SPATA13: variants seen among roughly 807,000 people sequenced by gnomAD.
SPATA13 encodes spermatogenesis associated 13, also known as spermatogenesis-associated protein 13.
A neutral mutation model predicts 104.0 loss-of-function variants in SPATA13; 50 were observed. That is an observed-to-expected ratio of 0.48 (90% CI 0.38 to 0.61). SPATA13 has a LOEUF of 0.61. Among genes scored for constraint, SPATA13 ranks in the 20% least tolerant of loss-of-function variants. The pLI is 0.00. For synonymous variants in SPATA13, 606 were observed against 667.5 expected, an observed-to-expected ratio of 0.91 and a Z score of 1.42; for missense variants, 1,524 against 1,690.6, an observed-to-expected ratio of 0.90 and a Z score of 1.73.
At position 24,286,614 on chromosome 13, in the gene SPATA13, C is replaced by T. The variant is rs1450548604; in HGVS notation, c.2482-151C>T. Reference sequence around the variant, plus strand: ...TGGTCCTCGTGCCTGCTGGCATAGCCGCAGCCCTGCTGAGGCCATGAGACT... The same window carrying T: ...TGGTCCTCGTGCCTGCTGGCATAGCTGCAGCCCTGCTGAGGCCATGAGACT... On this transcript the variant is annotated intron_variant, in intron 6 of 12. Coordinates refer to ENST00000382108, the MANE Select transcript of SPATA13 (RefSeq NM_001166271.3). This position sits in a 1 kb window ranked among gnomAD's most constrained non-coding sequence, Gnocchi z 4.9. The T allele has an allele frequency of 7.2e-6, 6 of 832,518 alleles. No individual in the cohort carries two copies. The highest frequency in any genetic ancestry group is 2.9e-5 in the Admixed American group (1 of 34,510). 51.6% of individuals were successfully genotyped at this position (832,518 alleles called of 1,614,324 possible). A position where few individuals can be genotyped will look rare whatever the true frequency, so the allele number is the denominator to read the frequency against.
At chr13:24,172,480 G>A (rs550845212) in intron 1 of SPATA13, among the ~76,000 whole-genome samples, 91 of 152,232 alleles carry the variant, frequency 6.0e-4, no homozygotes, top group African/African-American at 1.8e-3. Context: ...TAAAACGTTC[G>A]TGGTTTTTCA....
chr13:24,269,423 G>A (rs1874453306), intron 4 of SPATA13, among the ~76,000 whole-genome samples: 1 of 152,104 alleles, frequency 6.6e-6, no homozygotes, highest in Non-Finnish European at 1.5e-5. Flanking sequence ...TTAGAGACAG[G>A]ATCTAGCTCT....
At chr13:24,063,503 C>G (rs573926884) in intron 3 of SPATA13, among the ~76,000 whole-genome samples, 24 of 152,204 alleles carry the variant, frequency 1.6e-4, no homozygotes, top group African/African-American at 5.8e-4. Context: ...GGCCTTTCCT[C>G]CCAAACATGC....
rs574669812 is a variant in SPATA13 at position 24,230,888 on chromosome 13, G to T, written c.1653+6306G>T. 5.9e-5 allele frequency among the ~76,000 whole-genome samples: 9 copies of T among 152,298 alleles called. No homozygotes were observed. In the South Asian group the frequency reaches 1.9e-3, roughly 32 times the overall value. On this transcript the variant is annotated intron_variant, in intron 2 of 12. Coordinates refer to ENST00000382108, the MANE Select transcript of SPATA13 (RefSeq NM_001166271.3). ...TGGTGGAAAGTCAGTGACATTGTCA[G>T]GGCAGGGACTCAGAGGGACATTCCG...
intron 4 of SPATA13, among the ~76,000 whole-genome samples, chr13:24,262,275 AT>A (rs576916058): frequency 2.9e-4 from 42 of 145,868 alleles, no homozygotes; most frequent in African/African-American, 9.5e-4. Context: ...AATTCTTTGT[AT>A]TTTTTTTGTT....
intron 2 of SPATA13, among the ~76,000 whole-genome samples, chr13:23,993,492 A>G (rs1875513231): frequency 6.6e-6 from 1 of 152,212 alleles, no homozygotes; most frequent in African/African-American, 2.4e-5. Flanking sequence ...GAAAGCATGC[A>G]CCTCTCAGAA....
chr13:24,161,548 T>TG lies in SPATA13; in HGVS notation c.-112+621dup, dbSNP rs754899863. Reference sequence around the variant, plus strand: ...GTTTGGTCCCATTCTGTGCAGGAGGTGGGGGAATTGGTACTCCAGCCCCAG... The same window carrying TG: ...GTTTGGTCCCATTCTGTGCAGGAGGTGGGGGGAATTGGTACTCCAGCCCCAG... On this transcript the variant is annotated intron_variant, in intron 1 of 12. Transcript: ENST00000382108. This position sits in a 1 kb window ranked among gnomAD's most constrained non-coding sequence, Gnocchi z 4.5. 2.0e-5 allele frequency among the ~76,000 whole-genome samples: 3 copies of TG among 151,920 alleles called. No homozygotes were observed. Among genetic ancestry groups the TG allele is most frequent in the Non-Finnish European group, 4.4e-5 (3 of 67,970 alleles).
intron 3 of SPATA13, among the ~76,000 whole-genome samples, chr13:24,062,273 G>A (rs1017638689): frequency 6.6e-6 from 1 of 152,226 alleles, no homozygotes. Flanking sequence ...TCAAAGTGCT[G>A]TTGGCGGAGC....
rs766285133 is a variant in SPATA13 at position 24,286,241 on chromosome 13, G to T, written c.2329G>T (p.Ala777Ser). 9 of 1,613,720 alleles carry T rather than the reference G, an allele frequency of 5.6e-6. No individual in the cohort carries two copies. In the South Asian group the frequency reaches 9.9e-5, roughly 18 times the overall value. Reference sequence around the variant, plus strand: ...GATCAGTGATGGCAACGTGGTCTGCGCAGAAGCCCTGTGGGACCATGTGAC... The same window carrying T: ...GATCAGTGATGGCAACGTGGTCTGCTCAGAAGCCCTGTGGGACCATGTGAC... Reference protein sequence around the residue: ...ELISDGNVVCAEALWDHVTMD... With the variant: ...ELISDGNVVCSEALWDHVTMD... The change falls in exon 6 of 13, where the codon GCA becomes TCA. Residue 777 changes from alanine (A) to serine (S), a missense_variant. Coordinates refer to ENST00000382108, the MANE Select transcript of SPATA13 (RefSeq NM_001166271.3). The surrounding 1 kb of genome is among the most constrained non-coding windows in gnomAD (Gnocchi z 4.9).
chr13:24,252,932 A>G (rs1185262875), intron 4 of SPATA13: 1 of 152,210 alleles, frequency 6.6e-6, no homozygotes, highest in East Asian at 1.9e-4. Context: ...TCCAGTGAGC[A>G]CTTTATCTGG....
intron 1 of SPATA13, among the ~76,000 whole-genome samples, chr13:24,206,442 GA>G (rs1870700025): frequency 1.3e-5 from 2 of 152,300 alleles, no homozygotes; most frequent in South Asian, 4.1e-4. Flanking sequence ...AAAGGAAAAG[GA>G]ATGCTTTTAC....
intron 3 of SPATA13, among the ~76,000 whole-genome samples, chr13:24,096,473 C>T (rs1325700674): frequency 6.6e-6 from 1 of 151,954 alleles, no homozygotes; most frequent in Non-Finnish European, 1.5e-5. Context: ...GTGGCAGGCA[C>T]CTGTAATCCA....
At chr13:24,196,670 A>T (rs957509478) in intron 1 of SPATA13, among the ~76,000 whole-genome samples, 5 of 152,208 alleles carry the variant, frequency 3.3e-5, no homozygotes, top group African/African-American at 1.2e-4. Flanking sequence ...CAAAAGGTTG[A>T]GGCTGCAGTG....
At chr13:24,267,505 C>T (rs1874352153) in intron 4 of SPATA13, among the ~76,000 whole-genome samples, 3 of 152,196 alleles carry the variant, frequency 2.0e-5, no homozygotes, top group African/African-American at 4.8e-5. Context: ...CAGAAACTAT[C>T]CTCTTGTACC....
chr13:24,074,769 C>T (rs1172420207), intron 3 of SPATA13, among the ~76,000 whole-genome samples: 1 of 152,170 alleles, frequency 6.6e-6, no homozygotes, highest in Admixed American at 6.5e-5. Flanking sequence ...TTGAATTGGG[C>T]AGCACAACCT....
intron 2 of SPATA13, among the ~76,000 whole-genome samples, chr13:23,989,140 T>G (rs2765153): frequency 0.62 from 94,297 of 151,980 alleles, 30,241 homozygotes; most frequent in Non-Finnish European, 0.71. Context: ...TAAGATTTAC[T>G]TGGCTGGGCG....
chr13:24,302,978 C>G lies in SPATA13; in HGVS notation c.*205C>G. The stretch of plus-strand genomic sequence containing the variant: ...TGGAAGGGAGGAGACGGTCATGACA[C>G]AAAGCTTTATCCTACACAGAAACAC... On this transcript the variant is annotated 3_prime_UTR_variant, in exon 13 of 13. Coordinates refer to ENST00000382108, the MANE Select transcript of SPATA13 (RefSeq NM_001166271.3). 1.5e-6 allele frequency: 1 copy of G among 645,442 alleles called. No homozygotes were observed. 40.0% of individuals were successfully genotyped at this position (645,442 alleles called of 1,614,324 possible). A position where few individuals can be genotyped will look rare whatever the true frequency, so the allele number is the denominator to read the frequency against.
intron 3 of SPATA13, among the ~76,000 whole-genome samples, chr13:24,032,916 G>A (rs906436511): frequency 5.3e-5 from 8 of 152,114 alleles, no homozygotes; most frequent in African/African-American, 1.9e-4. Flanking sequence ...GGAATACTGG[G>A]GCGTTTGATA....
At chr13:24,213,157 G>A (rs1476415167) in intron 1 of SPATA13, among the ~76,000 whole-genome samples, 1 of 152,250 alleles carries the variant, frequency 6.6e-6, no homozygotes, top group Non-Finnish European at 1.5e-5. Flanking sequence ...AAGGAACATT[G>A]TGGGGGTGAG....
Sources: gnomAD v4.1 joint callset for allele counts (sites outside exome capture counted in the v4.1 genomes callset) on GRCh38, gnomAD v4.1.1 for gene constraint, Gnocchi (gnomAD v3.1) non-coding constraint, MANE v1.5 for transcripts, NCBI Gene and HGNC (gene_info 2026-07-23, HGNC 2026-07-21) for gene names.